SATL1: variants seen among roughly 807,000 people sequenced by gnomAD.
The protein encoded by SATL1 is spermidine/spermine N(1)-acetyltransferase-like protein 1.
SATL1 carries 47 observed loss-of-function variants against 51.8 expected under a neutral mutation model. The ratio of observed to expected loss-of-function variants is 0.91; its 90% CI spans 0.72 to 1.16. The LOEUF is 1.16. SATL1 is among the 50% of genes most tolerant of loss of function. The probability of loss-of-function intolerance (pLI) is 0.00; values close to 1 mark genes in which losing one functional copy is unlikely to be tolerated. For synonymous variants in SATL1, 176 were observed against 182.4 expected (o/e 0.97, Z 0.28); for missense variants, 520 against 526.4 (o/e 0.99, Z 0.12).
At chrX:85,139,587 T>C (rs1333538398) in intron 2 of SATL1, among the ~76,000 whole-genome samples, 1 of 111,385 alleles carries the variant, frequency 9.0e-6, no homozygotes, top group African/African-American at 3.3e-5. Flanking sequence ...ATGATGATAA[T>C]GTCAAGGTTC....
At chrX:85,135,098 C>T (rs1925918241) in intron 2 of SATL1, among the ~76,000 whole-genome samples, 1 of 110,896 alleles carries the variant, frequency 9.0e-6, no homozygotes, top group Non-Finnish European at 1.9e-5. Flanking sequence ...GCTGCATGTT[C>T]TCACTTACAA....
chrX:85,146,493 T>A (rs948157451), intron 2 of SATL1, among the ~76,000 whole-genome samples: 3 of 111,549 alleles, frequency 2.7e-5, no homozygotes, highest in African/African-American at 9.8e-5. Flanking sequence ...ATTAAAAATT[T>A]AAAAAAATAA....
intron 2 of SATL1, among the ~76,000 whole-genome samples, chrX:85,126,649 C>T (rs1372985051): frequency 4.5e-5 from 5 of 110,785 alleles, no homozygotes; most frequent in Non-Finnish European, 1.9e-5. Flanking sequence ...ATTTTTTATG[C>T]CTATTGATTT....
chrX:85,241,681 G>A (rs938823445), intron 1 of SATL1, among the ~76,000 whole-genome samples: 1 of 111,583 alleles, frequency 9.0e-6, no homozygotes, highest in Non-Finnish European at 1.9e-5. Context: ...ACTTGTCTGG[G>A]TGTTATCCTA....
intron 2 of SATL1, chrX:85,118,474 T>C (rs201810854): frequency 1.8e-5 from 2 of 110,028 alleles, no homozygotes; most frequent in Non-Finnish European, 3.8e-5. Flanking sequence ...AGAGAATAAA[T>C]CTTGTTACCT....
intron 2 of SATL1, among the ~76,000 whole-genome samples, chrX:85,184,855 G>A (rs1927279979): frequency 1.8e-5 from 2 of 111,967 alleles, no homozygotes; most frequent in South Asian, 7.4e-4. Context: ...ATCTGGTGAA[G>A]TCTTGTTTAC....
chrX:85,152,059 C>A (rs1234679313), intron 2 of SATL1, among the ~76,000 whole-genome samples: 15 of 110,073 alleles, frequency 1.4e-4, no homozygotes, highest in African/African-American at 4.3e-4. Flanking sequence ...ATTTTCGCAA[C>A]CTACTCATCT....
At chrX:85,146,296 T>A (rs1205644453) in intron 2 of SATL1, among the ~76,000 whole-genome samples, 1 of 111,805 alleles carries the variant, frequency 8.9e-6, no homozygotes, top group African/African-American at 3.3e-5. Context: ...CTACAGCCAA[T>A]GATAATTTAT....
intron 2 of SATL1, among the ~76,000 whole-genome samples, chrX:85,139,632 C>T (rs768348168): frequency 9.0e-6 from 1 of 111,596 alleles, no homozygotes; most frequent in South Asian, 3.7e-4. Context: ...GAGAGGAACA[C>T]AAGCTTAGTT....
rs759247160 is a variant in SATL1 at position 85,094,486 on chromosome X, G to A, written c.1775-257C>T. ...TAGCTGGGCGCAGTGGCTCATGGCT[G>A]TAATCCCTGTGCTTTGGGAGGCCAA... On this transcript the variant is annotated intron_variant, in intron 5 of 7. Coordinates refer to ENST00000644105, the MANE Select transcript of SATL1 (RefSeq NM_001367857.2). Among the ~76,000 whole-genome samples the A allele has an allele frequency of 1.4e-4, 16 of 112,098 alleles. No homozygotes were observed. The East Asian group carries it at 4.5e-3, about 31-fold the overall frequency.
At chrX:85,195,666 A>T (rs1927541615) in intron 2 of SATL1, among the ~76,000 whole-genome samples, 1 of 109,991 alleles carries the variant, frequency 9.1e-6, no homozygotes, top group East Asian at 2.9e-4. Flanking sequence ...TACAAAAATT[A>T]GCTGGGCGGG....
chrX:85,162,866 C>T (rs1171618733), intron 2 of SATL1, among the ~76,000 whole-genome samples: 1 of 111,448 alleles, frequency 9.0e-6, no homozygotes, highest in Non-Finnish European at 1.9e-5. Flanking sequence ...TATGTTAAAC[C>T]ATTCCTGCAT....
At chrX:85,203,957 C>A (rs1927739272) in intron 2 of SATL1, among the ~76,000 whole-genome samples, 1 of 111,987 alleles carries the variant, frequency 8.9e-6, no homozygotes, top group African/African-American at 3.2e-5. Flanking sequence ...TTTCACTTTG[C>A]CAAAGCTGCA....
At chrX:85,139,479 G>C (rs1926055056) in intron 2 of SATL1, among the ~76,000 whole-genome samples, 1 of 111,088 alleles carries the variant, frequency 9.0e-6, no homozygotes, top group South Asian at 3.8e-4. Flanking sequence ...AAATGGGGGA[G>C]TCAAGAGATA....
At chrX:85,117,742 T>C (rs1332578999) in intron 2 of SATL1, among the ~76,000 whole-genome samples, 2 of 111,777 alleles carry the variant, frequency 1.8e-5, no homozygotes, top group Admixed American at 9.6e-5. Flanking sequence ...ATATTTACTG[T>C]ATTATATTTT....
In SATL1 at chrX:85,225,643, A is replaced by G. The variant is rs368375833; in HGVS notation, c.-434-1317T>C. On this transcript the variant is annotated intron_variant, in intron 1 of 7. Transcript: ENST00000644105. Reference sequence around the variant, plus strand: ...GATGGGAGATAAACCAGGAAGAGGGATCAGCAGGCAAAGAGATATAAGAGA... The same window carrying G: ...GATGGGAGATAAACCAGGAAGAGGGGTCAGCAGGCAAAGAGATATAAGAGA... 1.2e-4 allele frequency among the ~76,000 whole-genome samples: 14 copies of G among 112,150 alleles called. No individual in the cohort carries two copies. In the East Asian group the frequency reaches 3.1e-3, roughly 25 times the overall value.
At chrX:85,182,175 A>G (rs73627328) in intron 2 of SATL1, among the ~76,000 whole-genome samples, 1,407 of 111,182 alleles carry the variant, frequency 0.013, 23 homozygotes, top group African/African-American at 0.043. Flanking sequence ...GGTACAGAAC[A>G]CTGGAAATTA....
intron 2 of SATL1, among the ~76,000 whole-genome samples, chrX:85,196,406 T>C (rs1295979472): frequency 8.9e-6 from 1 of 111,820 alleles, no homozygotes; most frequent in Non-Finnish European, 1.9e-5. Flanking sequence ...GACATACAGA[T>C]ACAATATGCA....
At chrX:85,129,153 C>T (rs1925709248) in intron 2 of SATL1, among the ~76,000 whole-genome samples, 1 of 111,576 alleles carries the variant, frequency 9.0e-6, no homozygotes, top group African/African-American at 3.3e-5. Context: ...TCTACATGAA[C>T]TTTAAAGTAG....
Sources: gnomAD v4.1 joint callset for allele counts (sites outside exome capture counted in the v4.1 genomes callset) on GRCh38, gnomAD v4.1.1 for gene constraint, MANE v1.5 for transcripts, NCBI Gene and HGNC (gene_info 2026-07-23, HGNC 2026-07-21) for gene names.